TEX12: variants seen among roughly 807,000 people sequenced by gnomAD.
TEX12 encodes testis expressed 12, also known as testis-expressed protein 12.
Under a neutral mutation model 14.6 loss-of-function variants are expected in TEX12, and 7 were observed. That is an observed-to-expected ratio of 0.48 (90% confidence interval 0.27 to 0.90). TEX12 has a LOEUF of 0.90. Among genes scored for constraint, TEX12 ranks in the 40% least tolerant of loss-of-function variants. TEX12 has a pLI of 0.12. For synonymous variants in TEX12, 57 were observed against 49.1 expected (o/e 1.16, Z -0.67); for missense variants, 121 against 135.7 (o/e 0.89, Z 0.54).
chr11:112,169,184 G>T (rs750352916), intron 1 of TEX12, 69 bp from the exon 2 acceptor site: 117 of 1,041,632 alleles, frequency 1.1e-4, no homozygotes, highest in Non-Finnish European at 1.6e-4. Flanking sequence ...GTGGGAAACA[G>T]GGAAGGATTC....
chr11:112,169,408 C>A, intron 2 of TEX12, 77 bp downstream of exon 2: 2 of 1,132,968 alleles, frequency 1.8e-6, no homozygotes, highest in Non-Finnish European at 2.7e-6. Flanking sequence ...TTTAAGAAAG[C>A]TCTATAGATA....
chr11:112,169,355 T>C, intron 2 of TEX12, 24 bp downstream of exon 2: 1 of 1,564,288 alleles, frequency 6.4e-7, no homozygotes, highest in Non-Finnish European at 8.8e-7. Flanking sequence ...CTATGGAGCC[T>C]TAATCTTTTA....
chr11:112,170,287 C>CT, intron 2 of TEX12, 132 bp from the exon 3 acceptor site: 1 of 550,016 alleles, frequency 1.8e-6, no homozygotes, highest in Admixed American at 3.6e-5. Context: ...ACTCAAATGA[C>CT]TAAGTCATAT....
In TEX12 at chr11:112,169,913, G is replaced by A. The variant is rs190508581; in HGVS notation, c.64-506G>A. Among the ~76,000 whole-genome samples, 721 of 152,314 alleles carry A rather than the reference G, an allele frequency of 4.7e-3. 5 individuals are homozygous for A. Among genetic ancestry groups the A allele is most frequent in the African/African-American group, 0.017 (696 of 41,564 alleles). On this transcript the variant is annotated intron_variant, in intron 2 of 4. Transcript: ENST00000280358. ...AGGCTGGGCGCATTGGCTCATGTCT[G>A]TAATCCTAGTGCTTTGGGAGGCTGA...
rs1866796669 is a variant in TEX12, at chr11:112,171,962, T to C, written c.*46T>C. 3.0e-6 allele frequency: 4 copies of C among 1,323,780 alleles called. No homozygotes were observed. Among genetic ancestry groups the C allele is most frequent in the Non-Finnish European group, 4.0e-6 (4 of 1,010,614 alleles). The allele number at this position is 1,323,780 out of a possible 1,614,324, so 82.0% of individuals were successfully genotyped here. A position where few individuals can be genotyped will look rare whatever the true frequency, so the allele number is the denominator to read the frequency against. ...TGAGAATTTAAACCTATTATTGTTA[T>C]AATGAAAGAATGACATTTATGCTTT... On this transcript the variant is annotated 3_prime_UTR_variant, in exon 5 of 5. Coordinates refer to ENST00000280358, the MANE Select transcript of TEX12 (RefSeq NM_031275.4).
chr11:112,169,256 G>A lies in TEX12; in HGVS notation c.-13G>A. 2 of 1,611,218 alleles carry A rather than the reference G, an allele frequency of 1.2e-6. No individual in the cohort carries two copies. Among genetic ancestry groups the A allele is most frequent in the Non-Finnish European group, 1.7e-6 (2 of 1,177,322 alleles). On this transcript the variant is annotated 5_prime_UTR_variant, in exon 2 of 5. It adds an upstream start codon to the 5' untranslated region. Coordinates refer to ENST00000280358, the MANE Select transcript of TEX12 (RefSeq NM_031275.4). ...GGCATTGTTCTAAGCTTTGTAGCTG[G>A]TGCCTTCGGAATATGATGGCAAATC...
chr11:112,168,018 C>T (rs1181196684), intron 1 of TEX12, among the ~76,000 whole-genome samples: 2 of 152,138 alleles, frequency 1.3e-5, no homozygotes, highest in African/African-American at 2.4e-5. Context: ...TTTCTAGATA[C>T]TATTAATACT....
intron 4 of TEX12, among the ~76,000 whole-genome samples, chr11:112,171,221 T>A (rs987857286): frequency 6.6e-6 from 1 of 152,206 alleles, no homozygotes; most frequent in Non-Finnish European, 1.5e-5. Context: ...ATTGGTCTTA[T>A]AAGTAATCAA....
chr11:112,169,382 A>G, intron 2 of TEX12, 51 bp downstream of exon 2: 1 of 1,411,408 alleles, frequency 7.1e-7, no homozygotes, highest in Non-Finnish European at 1.0e-6. Flanking sequence ...TTTACATACT[A>G]CTCAAATTTC....
In TEX12 at chr11:112,170,449, T is replaced by A. The variant is rs755627915; in HGVS notation, c.94T>A (p.Ser32Thr). ...AGTGCCAGATAGTCCACAGCTGTCC[T>A]CTCTTGGAAAATCAGATTCATCTTT... ...SPVPDSPQLS[S>T]LGKSDSSFSE... is the part of the protein sequence containing the mutation. Residue 32 changes from serine (S) to threonine (T), a missense_variant, in exon 3 of 5, where the codon TCT becomes ACT. Ser to Thr is a moderately conservative substitution (Grantham distance 58). Coordinates refer to ENST00000280358, the MANE Select transcript of TEX12 (RefSeq NM_031275.4). 18 of 1,613,562 alleles carry A rather than the reference T, an allele frequency of 1.1e-5. No homozygotes were observed. Among genetic ancestry groups the A allele is most frequent in the Admixed American group, 1.7e-5 (1 of 59,988 alleles).
At chr11:112,170,709 T>A (rs781568954) in intron 4 of TEX12, 35 bp downstream of exon 4, 1 of 1,543,998 alleles carries the variant, frequency 6.5e-7, no homozygotes, top group Non-Finnish European at 8.9e-7. Flanking sequence ...GGGGTCTTTA[T>A]GTTAGTTTTC....
rs763717628 is a variant in TEX12, at chr11:112,170,549, A to G, written c.175+19A>G. 5 of 1,595,666 alleles carry G rather than the reference A, an allele frequency of 3.1e-6. No individual in the cohort carries two copies. In the Admixed American group the frequency reaches 6.7e-5, roughly 21 times the overall value. ...TTAAATGGTGATGTATAAAATGTTT[A>G]TATTTCTAAACATCAGTCTTATAAT... On this transcript the variant is annotated intron_variant, in intron 3 of 4. Transcript: ENST00000280358.
chr11:112,172,003 G>T lies in TEX12; in HGVS notation c.*87G>T. 15 of 1,094,198 alleles carry T rather than the reference G, an allele frequency of 1.4e-5. No homozygotes were observed. Among genetic ancestry groups the T allele is most frequent in the Non-Finnish European group, 1.8e-5 (15 of 820,944 alleles). 67.8% of individuals were successfully genotyped at this position (1,094,198 alleles called of 1,614,324 possible). On this transcript the variant is annotated 3_prime_UTR_variant, in exon 5 of 5. Coordinates refer to ENST00000280358, the MANE Select transcript of TEX12 (RefSeq NM_031275.4). ...TTTATGCTTTGAAAGCTCTCGAGTT[G>T]TTAAAGAAAATGTATATCTCGAATA...
In TEX12 at chr11:112,171,997, C is replaced by T. The variant is rs553858887; in HGVS notation, c.*81C>T. The T allele has an allele frequency of 6.0e-5, 68 of 1,134,332 alleles. No individual in the cohort carries two copies. The highest frequency in any genetic ancestry group is 4.2e-4 in the Admixed American group (13 of 31,250). The allele number at this position is 1,134,332 out of a possible 1,614,324, so 70.3% of individuals were successfully genotyped here. Reference sequence around the variant, plus strand: ...ATGACATTTATGCTTTGAAAGCTCTCGAGTTGTTAAAGAAAATGTATATCT... The same window carrying T: ...ATGACATTTATGCTTTGAAAGCTCTTGAGTTGTTAAAGAAAATGTATATCT... On this transcript the variant is annotated 3_prime_UTR_variant, in exon 5 of 5. Transcript: ENST00000280358.
At position 112,169,300 on chromosome 11, in the gene TEX12, A is replaced by G. The variant is rs1431017960; in HGVS notation, c.32A>G (p.Asn11Ser). 4 of 1,614,002 alleles carry G rather than the reference A, an allele frequency of 2.5e-6. No homozygotes were observed. Among genetic ancestry groups the G allele is most frequent in the Non-Finnish European group, 3.4e-6 (4 of 1,179,864 alleles). The change falls in exon 2 of 5, where the codon AAT (asparagine) becomes AGT (serine). Residue 11 changes from asparagine (N) to serine (S), a missense_variant. Physicochemically the swap from Asn to Ser is conservative, Grantham distance 46. Transcript: ENST00000280358. The part of the protein sequence containing the change: MMANHLVKPD[N>S]RNCKRPRELE... ...GCAAATCACCTTGTAAAGCCTGATA[A>G]TAGAAATTGCAAGAGGCCAAGAGAA... is the stretch of plus-strand genomic sequence containing the variant.
At chr11:112,169,153 A>G in intron 1 of TEX12, 100 bp from the exon 2 acceptor site, 1 of 776,132 alleles carries the variant, frequency 1.3e-6, no homozygotes, top group Middle Eastern at 2.4e-4. Context: ...ATGACAGTCT[A>G]AATTAACATC....
At chr11:112,169,450 C>A in intron 2 of TEX12, 119 bp downstream of exon 2, 1 of 752,594 alleles carries the variant, frequency 1.3e-6, no homozygotes, top group Non-Finnish European at 2.2e-6. Context: ...ATGCCCAGAG[C>A]TAGGATTGTC....
intron 2 of TEX12, among the ~76,000 whole-genome samples, chr11:112,169,880 C>CT (rs1279925522): frequency 2.6e-5 from 4 of 152,166 alleles, no homozygotes; most frequent in African/African-American, 9.7e-5. Flanking sequence ...CATTTAAAGT[C>CT]TAATTTAAGG....
At chr11:112,171,630 AAG>A in intron 4 of TEX12, 140 bp from the exon 5 acceptor site, 1 of 499,904 alleles carries the variant, frequency 2.0e-6, no homozygotes, top group Non-Finnish European at 3.2e-6. Context: ...TTTTTTTCTG[AAG>A]AGTATTAGTA....
Sources: allele counts gnomAD v4.1 joint callset (sites outside exome capture counted in the v4.1 genomes callset), GRCh38; gene constraint gnomAD v4.1.1; transcripts MANE v1.5; gene names NCBI Gene and HGNC (gene_info 2026-07-23, HGNC 2026-07-21).